GIT1: variants seen among roughly 807,000 people sequenced by gnomAD.
GIT1 encodes the protein ARF GTPase-activating protein GIT1.
A neutral mutation model predicts 91.7 loss-of-function variants in GIT1; 14 were observed. The observed-to-expected ratio is 0.15, with a 90% CI of 0.10 to 0.24. GIT1 has a LOEUF of 0.24. Among genes scored for constraint, GIT1 ranks in the 10% least tolerant of loss-of-function variants. The pLI is 1.00. For synonymous variants in GIT1, 414 were observed against 418.2 expected (o/e 0.99, Z 0.12); for missense variants, 717 against 1,024.9 (o/e 0.70, Z 4.10).
Position 29,575,617 on chromosome 17 carries a change from C to T in GIT1, c.1826+13G>A, listed in dbSNP as rs770254543. 91 of 1,609,862 alleles carry T rather than the reference C, an allele frequency of 5.7e-5. No homozygotes were observed. Among genetic ancestry groups the T allele is most frequent in the Non-Finnish European group, 7.6e-5 (90 of 1,179,058 alleles). ...ATGTGAGCAGGCTGGACTGGAGACC[C>T]AGGGAGCCTCACCCCAGCAGTGGGT... On this transcript the variant is annotated intron_variant, in intron 17 of 19. Transcript: ENST00000225394. This position sits in a 1 kb window ranked among gnomAD's most constrained non-coding sequence, Gnocchi z 5.5.
intron 2 of GIT1, 94 bp from the exon 3 acceptor site, chr17:29,583,131 G>A: frequency 1.2e-6 from 1 of 845,490 alleles, no homozygotes; most frequent in Admixed American, 1.9e-5. Flanking sequence ...TGGCGTAGCT[G>A]GAAACGGTAC....
rs2033119661 is a variant in GIT1, at chr17:29,574,646, C to A, written c.*56G>T. 4.3e-6 allele frequency: 6 copies of A among 1,384,154 alleles called. No homozygotes were observed. The highest frequency in any genetic ancestry group is 6.2e-6 in the Non-Finnish European group (6 of 974,942). 85.7% of individuals were successfully genotyped at this position (1,384,154 alleles called of 1,614,324 possible). On this transcript the variant is annotated 3_prime_UTR_variant, in exon 20 of 20. Coordinates refer to ENST00000225394, the MANE Select transcript of GIT1 (RefSeq NM_014030.4). ...GGTGGGGATTAATGTCTGGAGTGGC[C>A]CAGCTCCTATGGCCAGTGAGGTCCT...
At chr17:29,583,919 C>T in intron 1 of GIT1, 1 of 406,756 alleles carries the variant, frequency 2.5e-6, no homozygotes, top group South Asian at 5.1e-5. Flanking sequence ...ACCAGTCTCT[C>T]AGCCTTTTCC....
In GIT1 at chr17:29,577,589, G is replaced by T. The variant is rs570342076; in HGVS notation, c.981+56C>A. On this transcript the variant is annotated intron_variant, in intron 10 of 19. Coordinates refer to ENST00000225394, the MANE Select transcript of GIT1 (RefSeq NM_014030.4). ...CAGGCCCCAGCCCACTGCCGGATGAGGAGGGACCGCGGGGATGAAGTAGAC... is the reference window on the plus strand; with the variant it reads ...CAGGCCCCAGCCCACTGCCGGATGATGAGGGACCGCGGGGATGAAGTAGAC... 2,628 of 1,138,302 alleles carry T rather than the reference G, an allele frequency of 2.3e-3. 38 individuals carry two copies. Among genetic ancestry groups the T allele is most frequent in the Non-Finnish European group, 4.3e-4 (319 of 746,882 alleles). 70.5% of individuals were successfully genotyped at this position (1,138,302 alleles called of 1,614,324 possible).
Position 29,575,220 on chromosome 17 carries a change from A to G in GIT1, c.2009+68T>C. The G allele has an allele frequency of 1.3e-6, 2 of 1,557,000 alleles. No individual in the cohort carries two copies. Among genetic ancestry groups the G allele is most frequent in the Non-Finnish European group, 1.8e-6 (2 of 1,141,474 alleles). ...GGGACAGCAGAACCCAGGGCCCCTC[A>G]TGCTCTCTGCAACACCCTAGAAGCC... On this transcript the variant is annotated intron_variant, in intron 18 of 19. Transcript: ENST00000225394. This position sits in a 1 kb window ranked among gnomAD's most constrained non-coding sequence, Gnocchi z 5.5.
intron 2 of GIT1, 90 bp downstream of exon 2, chr17:29,583,393 T>G: frequency 1.4e-6 from 2 of 1,385,558 alleles, no homozygotes. Flanking sequence ...AGATTCCAGA[T>G]GGGGGTGTAT....
intron 1 of GIT1, among the ~76,000 whole-genome samples, chr17:29,586,012 C>G (rs2033584338): frequency 6.6e-6 from 1 of 152,164 alleles, no homozygotes; most frequent in Admixed American, 6.5e-5. Flanking sequence ...TTTGCACATA[C>G]AGGCTAGCCT....
rs2150823512 is a variant in GIT1 at position 29,575,667 on chromosome 17, C to T, written c.1789G>A (p.Asp597Asn). ...LSRHGSGADS[D>N]YENTQSGDPL... Reference sequence around the variant, plus strand: ...TCCCCACTTTGCGTGTTCTCATAGTCACTGTCGGCTCCACTGCCGTGGCGG... The same window carrying T: ...TCCCCACTTTGCGTGTTCTCATAGTTACTGTCGGCTCCACTGCCGTGGCGG... The change falls in exon 17 of 20, where the codon GAC becomes AAC. Residue 597 changes from aspartate (D) to asparagine (N), a missense_variant. Around this residue, in one of 3 missense-constraint regions of GIT1, gnomAD observed 134 missense variants for 223.8 expected, o/e 0.60. Coordinates refer to ENST00000225394, the MANE Select transcript of GIT1 (RefSeq NM_014030.4). The surrounding 1 kb of genome is among the most constrained non-coding windows in gnomAD (Gnocchi z 5.5). 2 of 1,612,758 alleles carry T rather than the reference C, an allele frequency of 1.2e-6. No individual in the cohort carries two copies. Among genetic ancestry groups the T allele is most frequent in the East Asian group, 2.2e-5 (1 of 44,882 alleles).
rs995436415 is a variant in GIT1 at position 29,583,624 on chromosome 17, G to A, written c.53-8C>T. ...TGGATGCCCAGCCAGGGTCTGCCAG[G>A]GTGAGGGCAAGGGTCAGCCGGAGCC... On this transcript the variant is annotated splice_polypyrimidine_tract_variant and splice_region_variant and intron_variant, in intron 1 of 19. Transcript: ENST00000225394. 4 of 1,578,526 alleles carry A rather than the reference G, an allele frequency of 2.5e-6. No homozygotes were observed. In the South Asian group the frequency reaches 3.5e-5, roughly 14 times the overall value.
In GIT1 at chr17:29,582,004, C is replaced by T. The variant is rs2150845272; in HGVS notation, c.546G>A (p.Gln182=). 1.2e-6 allele frequency: 2 copies of T among 1,612,816 alleles called. No individual in the cohort carries two copies. The highest frequency in any genetic ancestry group is 1.1e-5 in the South Asian group (1 of 91,084). Residue 182 remains glutamine (Q), a synonymous_variant, in exon 5 of 20, where the codon CAG becomes CAA. Coordinates refer to ENST00000225394, the MANE Select transcript of GIT1 (RefSeq NM_014030.4). ...CCCCATACACTACAAGCAGCTCGGCCTGCAGTGTCTGTCCTGCCTTGGCAG... is the reference window on the plus strand; with the variant it reads ...CCCCATACACTACAAGCAGCTCGGCTTGCAGTGTCTGTCCTGCCTTGGCAG... The part of the protein sequence containing the change: ...HVAAKAGQTL[Q]AELLVVYGAD...
chr17:29,581,134 G>C lies in GIT1; in HGVS notation c.761+204C>G. 2 of 603,100 alleles carry C rather than the reference G, an allele frequency of 3.3e-6. No homozygotes were observed. The highest frequency in any genetic ancestry group is 3.8e-5 in the South Asian group (2 of 52,402). 37.4% of individuals were successfully genotyped at this position (603,100 alleles called of 1,614,324 possible). ...ATGTACTTGACAGTCACGGGGCTCA[G>C]GCTATGCGGGCCACATATGGAGCTG... is the stretch of plus-strand genomic sequence containing the variant. On this transcript the variant is annotated intron_variant, in intron 7 of 19. Transcript: ENST00000225394. The surrounding 1 kb of genome is among the most constrained non-coding windows in gnomAD (Gnocchi z 4.8).
At position 29,583,595 on chromosome 17, in the gene GIT1, C is replaced by T; in HGVS notation, c.74G>A (p.Ser25Asn). Residue 25 changes from serine (S) to asparagine (N), a missense_variant, in exon 2 of 20, where the codon AGC (serine) becomes AAC (asparagine). Around this residue, in one of 3 missense-constraint regions of GIT1, gnomAD observed 271 missense variants for 451.6 expected, o/e 0.60. Transcript: ENST00000225394. ...CTCGTCACACACCAGCACACCCCTG[C>T]TGATGGATGCCCAGCCAGGGTCTGC... The part of the protein sequence containing the change: ...SAPDPGWASI[S>N]RGVLVCDECC... The T allele has an allele frequency of 6.2e-7, 1 of 1,600,162 alleles. No individual in the cohort carries two copies. Among genetic ancestry groups the T allele is most frequent in the Non-Finnish European group, 8.5e-7 (1 of 1,174,732 alleles).
intron 1 of GIT1, among the ~76,000 whole-genome samples, chr17:29,585,966 C>T (rs2033582771): frequency 6.6e-6 from 1 of 152,164 alleles, no homozygotes; most frequent in Non-Finnish European, 1.5e-5. Flanking sequence ...TTCCTGCCAC[C>T]ACCTGAAGCC....
intron 1 of GIT1, among the ~76,000 whole-genome samples, chr17:29,588,618 A>AGGAAC (rs2033681422): frequency 6.6e-6 from 1 of 152,052 alleles, no homozygotes; most frequent in Admixed American, 6.5e-5. Context: ...TCACTTTCCC[A>AGGAAC]AGCAGGCCTT....
chr17:29,575,059 CCT>C lies in GIT1; in HGVS notation c.2073+18_2073+19del, dbSNP rs1567767649. ...AGCTCGAGGCCCTCCCACTCCTGGT[CCT>C]CTCTTTGGCCCCTGTACCTTTGGGA... On this transcript the variant is annotated intron_variant, in intron 19 of 19. Coordinates refer to ENST00000225394, the MANE Select transcript of GIT1 (RefSeq NM_014030.4). This position sits in a 1 kb window ranked among gnomAD's most constrained non-coding sequence, Gnocchi z 5.5. 1 of 1,567,050 alleles carries C rather than the reference CCT, an allele frequency of 6.4e-7. No individual in the cohort carries two copies. The highest frequency in any genetic ancestry group is 8.7e-7 in the Non-Finnish European group (1 of 1,149,254).
Position 29,574,550 on chromosome 17 carries a change from TGGGCACCA to T in GIT1, c.*144_*151del, listed in dbSNP as rs773459082. The stretch of plus-strand genomic sequence containing the variant: ...CCCATCCTTAGGGGCTCGACAGGGG[TGGGCACCA>T]GGGCACCTGGCTGCCAGGGAGTGTG... On this transcript the variant is annotated 3_prime_UTR_variant, in exon 20 of 20. Coordinates refer to ENST00000225394, the MANE Select transcript of GIT1 (RefSeq NM_014030.4). 8.3e-6 allele frequency: 6 copies of T among 719,676 alleles called. No individual in the cohort carries two copies. The highest frequency in any genetic ancestry group is 9.9e-6 in the Non-Finnish European group (4 of 404,482). 44.6% of individuals were successfully genotyped at this position (719,676 alleles called of 1,614,324 possible).
chr17:29,579,320 G>A (rs2033319515), intron 7 of GIT1: 1 of 399,826 alleles, frequency 2.5e-6, no homozygotes, highest in Non-Finnish European at 4.6e-6. Flanking sequence ...CCTCCTTCTA[G>A]TTTTGTCCCT....
In GIT1 at chr17:29,575,674, G is replaced by T; in HGVS notation, c.1782C>A (p.Ala594=). The change falls in exon 17 of 20, where the codon GCC becomes GCA. Residue 594 remains alanine, a synonymous_variant. Coordinates refer to ENST00000225394, the MANE Select transcript of GIT1 (RefSeq NM_014030.4). The surrounding 1 kb of genome is among the most constrained non-coding windows in gnomAD (Gnocchi z 5.5). ...TTTGCGTGTTCTCATAGTCACTGTC[G>T]GCTCCACTGCCGTGGCGGGAAAGCT... ...TSKLSRHGSG[A]DSDYENTQSG... 6.2e-7 allele frequency: 1 copy of T among 1,612,780 alleles called. No homozygotes were observed. Among genetic ancestry groups the T allele is most frequent in the Non-Finnish European group, 8.5e-7 (1 of 1,179,980 alleles).
rs1400729013 is a variant in GIT1 at position 29,573,559 on chromosome 17, C to T, written c.*1143G>A. 1 of 152,560 alleles carries T rather than the reference C, an allele frequency of 6.6e-6. No homozygotes were observed. The highest frequency in any genetic ancestry group is 2.4e-5 in the African/African-American group (1 of 41,456). The allele number at this position is 152,560 out of a possible 1,614,324, so 9.5% of individuals were successfully genotyped here. On this transcript the variant is annotated 3_prime_UTR_variant, in exon 20 of 20. Coordinates refer to ENST00000225394, the MANE Select transcript of GIT1 (RefSeq NM_014030.4). ...ACCACCACACAGGTAGGGCCTGGCC[C>T]CCAGGGAAGAAGCGGGATGGGGAGA...
Sources: allele counts gnomAD v4.1 joint callset (sites outside exome capture counted in the v4.1 genomes callset), GRCh38; gene constraint gnomAD v4.1.1; regional missense constraint gnomAD v4.1.1; non-coding constraint Gnocchi (gnomAD v3.1); transcripts MANE v1.5; gene names NCBI Gene and HGNC (gene_info 2026-07-23, HGNC 2026-07-21).